Variants in UTY observed in about 807,000 individuals in gnomAD.
UTY encodes ubiquitously transcribed tetratricopeptide repeat containing, Y-linked.
Under a neutral mutation model 32.5 loss-of-function variants are expected in UTY, and 12 were observed. The observed-to-expected ratio is 0.37, with a 90% CI of 0.24 to 0.60. UTY has a LOEUF of 0.60. UTY is among the 20% of genes least tolerant of loss of function. The pLI, the probability that UTY is intolerant of heterozygous loss-of-function variation, is 0.69. For missense variants in UTY, 303 were observed against 299.2 expected, an observed-to-expected ratio of 1.01 and a Z score of -0.09; for synonymous variants, 131 against 103.4, an observed-to-expected ratio of 1.27 and a Z score of -1.62.
intron 3 of UTY, among the ~76,000 whole-genome samples, chrY:13,453,962 C>A: frequency 3.2e-5 from 1 of 31,738 alleles, no homozygotes; most frequent in Non-Finnish European, 7.6e-5. Context: ...TGGCTCATGC[C>A]TGTAATCCCA....
At chrY:13,393,999 T>C in intron 7 of UTY, 106 bp from the exon 8 acceptor site, 1 of 142,028 alleles carries the variant, frequency 7.0e-6, no homozygotes, top group Non-Finnish European at 1.1e-5. Context: ...ATGCTAAAAC[T>C]ATGGAACATA....
At chrY:13,373,303 G>A in intron 8 of UTY, among the ~76,000 whole-genome samples, 1 of 33,748 alleles carries the variant, frequency 3.0e-5, no homozygotes, top group Non-Finnish European at 7.3e-5. Context: ...TTTGTGTGAT[G>A]TATCCCAACA....
At chrY:13,348,492 T>G in intron 17 of UTY, among the ~76,000 whole-genome samples, 1 of 34,324 alleles carries the variant, frequency 2.9e-5, no homozygotes, top group Middle Eastern at 0.013. Context: ...CTAACTTTTG[T>G]ATGATAATCA....
At chrY:13,480,276 G>T, upstream of UTY, 1 of 34,485 alleles carries the variant, frequency 2.9e-5, no homozygotes, top group Non-Finnish European at 7.3e-5. Flanking sequence ...TCTGTGCTGG[G>T]TGTTTTTGCA....
At chrY:13,365,677 G>A in intron 10 of UTY, among the ~76,000 whole-genome samples, 1 of 30,875 alleles carries the variant, frequency 3.2e-5, no homozygotes, top group Non-Finnish European at 7.8e-5. Flanking sequence ...ATTAAATTAC[G>A]ATTATAACAG....
chrY:13,271,125 G>A, intron 27 of UTY, among the ~76,000 whole-genome samples: 1 of 32,777 alleles, frequency 3.1e-5, no homozygotes, highest in African/African-American at 1.2e-4. Context: ...GGTACACAGT[G>A]TATTCTAACT....
intron 20 of UTY, among the ~76,000 whole-genome samples, 197 bp from the exon 21 acceptor site, chrY:13,323,957 A>G (rs1033057863): frequency 3.9e-4 from 13 of 33,213 alleles, no homozygotes; most frequent in African/African-American, 1.5e-3. Flanking sequence ...ATTTATAAAC[A>G]TAATCTAATT....
At chrY:13,478,350 C>T in intron 2 of UTY, among the ~76,000 whole-genome samples, 1 of 33,406 alleles carries the variant, frequency 3.0e-5, no homozygotes, top group Non-Finnish European at 7.4e-5. Flanking sequence ...ACTAAACATG[C>T]TGCAATTAAT....
chrY:13,312,189 G>C, intron 21 of UTY, among the ~76,000 whole-genome samples: 1 of 31,577 alleles, frequency 3.2e-5, no homozygotes, highest in Non-Finnish European at 7.8e-5. Flanking sequence ...TCAGGAGATC[G>C]AGACCATCCT....
At chrY:13,458,602 G>A (rs2077060179) in intron 3 of UTY, among the ~76,000 whole-genome samples, 1 of 32,967 alleles carries the variant, frequency 3.0e-5, no homozygotes, top group East Asian at 8.0e-4. Flanking sequence ...CCCACTTTTT[G>A]ATGGGGTTGT....
chrY:13,359,337 T>A, intron 12 of UTY, 115 bp from the exon 13 acceptor site: 1 of 237,822 alleles, frequency 4.2e-6, no homozygotes. Flanking sequence ...AATTTGGGGA[T>A]TTTAGGTAGA....
At chrY:13,263,817 GAA>G (rs2055484417) in intron 27 of UTY, among the ~76,000 whole-genome samples, 1 of 33,577 alleles carries the variant, frequency 3.0e-5, no homozygotes, top group Admixed American at 2.7e-4. Context: ...AGAAAAGTGG[GAA>G]AAAAATAGAA....
At chrY:13,357,065 A>G (rs2063002619) in intron 15 of UTY, among the ~76,000 whole-genome samples, 1 of 32,904 alleles carries the variant, frequency 3.0e-5, no homozygotes, top group Admixed American at 2.8e-4. Flanking sequence ...ATCAAAGAAT[A>G]GAGAAGCAAT....
chrY:13,476,575 C>T, intron 2 of UTY, among the ~76,000 whole-genome samples: 1 of 33,375 alleles, frequency 3.0e-5, no homozygotes. Context: ...ACAAAATCAA[C>T]CTAAAACGTT....
At chrY:13,374,247 G>A in intron 8 of UTY, among the ~76,000 whole-genome samples, 1 of 32,720 alleles carries the variant, frequency 3.1e-5, no homozygotes, top group African/African-American at 1.2e-4. Flanking sequence ...TGGCCAGGAT[G>A]GTCTTGATCT....
chrY:13,386,795 C>G (rs2066826657), intron 8 of UTY, among the ~76,000 whole-genome samples: 1 of 32,733 alleles, frequency 3.1e-5, no homozygotes, highest in African/African-American at 1.2e-4. Context: ...CAACGTCTGA[C>G]CAACATGGCA....
chrY:13,311,600 A>G, intron 21 of UTY, among the ~76,000 whole-genome samples: 5 of 30,801 alleles, frequency 1.6e-4, no homozygotes, highest in Non-Finnish European at 3.1e-4. Flanking sequence ...GTCTCAAAAA[A>G]AAAAAAAAAA....
intron 17 of UTY, among the ~76,000 whole-genome samples, chrY:13,352,469 C>G: frequency 3.0e-5 from 1 of 32,897 alleles, no homozygotes; most frequent in African/African-American, 1.2e-4. Context: ...ACACCATGCC[C>G]TGCTAATTTT....
At chrY:13,352,022 T>A in intron 17 of UTY, among the ~76,000 whole-genome samples, 1 of 33,547 alleles carries the variant, frequency 3.0e-5, no homozygotes, top group Non-Finnish European at 7.4e-5. Flanking sequence ...TATCACTGAT[T>A]TGTAATCAGG....
Sources: allele counts gnomAD v4.1 joint callset (sites outside exome capture counted in the v4.1 genomes callset), GRCh38; gene constraint gnomAD v4.1.1; transcripts MANE v1.5; gene names NCBI Gene and HGNC (gene_info 2026-07-23, HGNC 2026-07-21).